MICU2: variants seen among roughly 807,000 people sequenced by gnomAD.
The protein encoded by MICU2 is mitochondrial calcium uptake 2.
MICU2 carries 64 observed loss-of-function variants against 60.4 expected under a neutral mutation model. The ratio of observed to expected loss-of-function variants is 1.06; its 90% CI spans 0.87 to 1.31. MICU2 has a LOEUF of 1.31. MICU2 is among the 50% of genes most tolerant of loss of function. MICU2 has a pLI of 0.00. For synonymous variants in MICU2, 201 were observed against 175.0 expected, an observed-to-expected ratio of 1.15 and a Z score of -1.17; for missense variants, 569 against 531.0, an observed-to-expected ratio of 1.07 and a Z score of -0.70.
At position 21,512,583 on chromosome 13, in the gene MICU2, G is replaced by C. The variant is rs570316563; in HGVS notation, c.663+1770C>G. Reference sequence around the variant, plus strand: ...CTGCCTCAGCCTCCTGAGTAGCTGGGACTACGGGTGCCCGCCACCAGGCCC... The same window carrying C: ...CTGCCTCAGCCTCCTGAGTAGCTGGCACTACGGGTGCCCGCCACCAGGCCC... On this transcript the variant is annotated intron_variant, in intron 7 of 11. Coordinates refer to ENST00000382374, the MANE Select transcript of MICU2 (RefSeq NM_152726.3). 1.2e-4 allele frequency among the ~76,000 whole-genome samples: 18 copies of C among 151,860 alleles called. No homozygotes were observed. The South Asian group carries it at 3.5e-3, about 30-fold the overall frequency.
intron 7 of MICU2, among the ~76,000 whole-genome samples, chr13:21,513,508 C>A (rs976754488): frequency 6.6e-6 from 1 of 151,844 alleles, no homozygotes; most frequent in African/African-American, 2.4e-5. Flanking sequence ...GAGGCCGAAG[C>A]GGGCGGATCA....
At chr13:21,531,048 G>A (rs1566149635) in intron 4 of MICU2, 8 of 959,414 alleles carry the variant, frequency 8.3e-6, no homozygotes, top group African/African-American at 1.6e-5. Context: ...GCAGGATCGT[G>A]GTCTTTCCAA....
At chr13:21,513,541 C>G (rs986006580) in intron 7 of MICU2, among the ~76,000 whole-genome samples, 3 of 151,690 alleles carry the variant, frequency 2.0e-5, no homozygotes, top group African/African-American at 7.3e-5. Flanking sequence ...AGTTTGAGAC[C>G]AGCCTGACCA....
intron 2 of MICU2, among the ~76,000 whole-genome samples, chr13:21,556,709 G>A (rs1357573290): frequency 2.0e-5 from 3 of 152,072 alleles, no homozygotes; most frequent in Non-Finnish European, 1.5e-5. Flanking sequence ...GGGCAGCAAG[G>A]GAGGGATCTG....
intron 1 of MICU2, among the ~76,000 whole-genome samples, chr13:21,597,037 T>C (rs112762994): frequency 2.0e-5 from 3 of 152,304 alleles, no homozygotes; most frequent in African/African-American, 7.2e-5. Flanking sequence ...AAATGAATAT[T>C]TGATATTTTA....
chr13:21,582,630 A>T (rs1888371594), intron 1 of MICU2, among the ~76,000 whole-genome samples: 1 of 152,150 alleles, frequency 6.6e-6, no homozygotes, highest in Admixed American at 6.6e-5. Context: ...TTTTTCGATT[A>T]CCTGCTCCAC....
chr13:21,572,559 A>T (rs1888136564), intron 1 of MICU2, among the ~76,000 whole-genome samples: 1 of 152,148 alleles, frequency 6.6e-6, no homozygotes, highest in Non-Finnish European at 1.5e-5. Flanking sequence ...TAGTTTTAGG[A>T]GCTAGACTTA....
rs1888430115 is a variant in MICU2, at chr13:21,585,120, A to G, written c.211-18176T>C. ...ATGTAAGACAACCTCTCATTCATGC[A>G]GGACAAACAGCTATGCCAAAAGCAC... On this transcript the variant is annotated intron_variant, in intron 1 of 11. Transcript: ENST00000382374. 2.0e-5 allele frequency among the ~76,000 whole-genome samples: 3 copies of G among 152,232 alleles called. No individual in the cohort carries two copies. In the South Asian group the frequency reaches 6.2e-4, roughly 32 times the overall value.
intron 2 of MICU2, among the ~76,000 whole-genome samples, chr13:21,547,464 C>G (rs1887443423): frequency 6.6e-6 from 1 of 152,100 alleles, no homozygotes; most frequent in Admixed American, 6.6e-5. Context: ...AGACTTTAGT[C>G]TATTACTGAA....
chr13:21,515,627 A>G (rs1886552775), intron 6 of MICU2: 1 of 402,810 alleles, frequency 2.5e-6, no homozygotes, highest in South Asian at 1.8e-5. Context: ...CAAAATCCCA[A>G]ACTATGGATT....
At chr13:21,589,721 C>A (rs576243407) in intron 1 of MICU2, among the ~76,000 whole-genome samples, 29 of 152,292 alleles carry the variant, frequency 1.9e-4, no homozygotes, top group Non-Finnish European at 3.1e-4. Flanking sequence ...CTATTCCACC[C>A]TGACTTCATG....
intron 2 of MICU2, among the ~76,000 whole-genome samples, chr13:21,551,633 T>A (rs1483890434): frequency 1.5e-5 from 2 of 132,016 alleles, no homozygotes; most frequent in Non-Finnish European, 3.1e-5. Flanking sequence ...TTCCCCTTCC[T>A]GTGTCCACGT....
At chr13:21,582,642 C>A (rs983891878) in intron 1 of MICU2, among the ~76,000 whole-genome samples, 35 of 152,196 alleles carry the variant, frequency 2.3e-4, no homozygotes, top group Admixed American at 1.9e-3. Flanking sequence ...CTGCTCCACC[C>A]TGACTCATTC....
At chr13:21,549,070 C>G (rs113671530) in intron 2 of MICU2, among the ~76,000 whole-genome samples, 4 of 151,692 alleles carry the variant, frequency 2.6e-5, no homozygotes, top group African/African-American at 9.7e-5. Flanking sequence ...GGACTACAGG[C>G]GCCCGCCACC....
At chr13:21,574,823 TA>T (rs1416025735) in intron 1 of MICU2, among the ~76,000 whole-genome samples, 2 of 152,220 alleles carry the variant, frequency 1.3e-5, no homozygotes, top group Non-Finnish European at 2.9e-5. Flanking sequence ...CTTTCCTTCT[TA>T]AAGAAACCTT....
intron 4 of MICU2, among the ~76,000 whole-genome samples, chr13:21,530,245 T>C (rs1191423086): frequency 6.6e-6 from 1 of 152,234 alleles, no homozygotes; most frequent in Non-Finnish European, 1.5e-5. Context: ...GACTCTGTAA[T>C]GAATGCTATG....
intron 4 of MICU2, among the ~76,000 whole-genome samples, chr13:21,535,234 A>T (rs1460416235): frequency 3.3e-5 from 5 of 152,194 alleles, no homozygotes; most frequent in Admixed American, 1.3e-4. Flanking sequence ...AGAGTTTTAC[A>T]CAAAAGCTGA....
chr13:21,537,186 T>C (rs1887150783), intron 4 of MICU2, among the ~76,000 whole-genome samples: 2 of 152,332 alleles, frequency 1.3e-5, no homozygotes, highest in Non-Finnish European at 1.5e-5. Context: ...TTAAACTCCA[T>C]GGCTCATTAG....
At chr13:21,517,815 A>ACGCGCG (rs1566144928) in intron 6 of MICU2, among the ~76,000 whole-genome samples, 2 of 146,178 alleles carry the variant, frequency 1.4e-5, no homozygotes, top group Non-Finnish European at 3.0e-5. Context: ...GCGCGCGCGC[A>ACGCGCG]CACGCGCTAC....
Sources: gnomAD v4.1 joint callset for allele counts (sites outside exome capture counted in the v4.1 genomes callset) on GRCh38, gnomAD v4.1.1 for gene constraint, MANE v1.5 for transcripts, NCBI Gene and HGNC (gene_info 2026-07-23, HGNC 2026-07-21) for gene names.